The following TNNI3K variants were observed in gnomAD, a reference collection of about 807,000 sequenced individuals.
TNNI3K encodes serine/threonine-protein kinase TNNI3K.
A neutral mutation model predicts 114.5 loss-of-function variants in TNNI3K; 140 were observed. The observed-to-expected ratio is 1.22, with a 90% CI of 1.07 to 1.41. The LOEUF is 1.41. TNNI3K is among the 40% of genes most tolerant of loss of function. The pLI, the probability that TNNI3K is intolerant of heterozygous loss-of-function variation, is 0.00. For missense variants in TNNI3K, 1,125 were observed against 1,007.6 expected (o/e 1.12, Z -1.58); for synonymous variants, 347 against 347.5 (o/e 1.00, Z 0.02).
At chr1:74,519,620 A>G (rs1013516981) in intron 23 of TNNI3K, among the ~76,000 whole-genome samples, 1 of 152,214 alleles carries the variant, frequency 6.6e-6, no homozygotes, top group Non-Finnish European at 1.5e-5. Flanking sequence ...TAAAATCATA[A>G]GAAAGCCAGA....
chr1:74,462,090 C>A (rs560255700), intron 20 of TNNI3K, among the ~76,000 whole-genome samples: 105 of 152,282 alleles, frequency 6.9e-4, no homozygotes, highest in African/African-American at 2.4e-3. Flanking sequence ...ATGGTTTCTT[C>A]TAAATGATAA....
chr1:74,538,937 A>T (rs1203027282), intron 23 of TNNI3K, among the ~76,000 whole-genome samples: 1 of 152,188 alleles, frequency 6.6e-6, no homozygotes, highest in Non-Finnish European at 1.5e-5. Context: ...TAGGTAGAGC[A>T]TTTGTATTTT....
chr1:74,520,093 C>G (rs1202372972), intron 23 of TNNI3K, among the ~76,000 whole-genome samples: 1 of 152,108 alleles, frequency 6.6e-6, no homozygotes, highest in African/African-American at 2.4e-5. Context: ...GATTTTGGAG[C>G]ACCCATCACC....
At chr1:74,283,243 C>A (rs1214279302) in intron 5 of TNNI3K, among the ~76,000 whole-genome samples, 1 of 152,154 alleles carries the variant, frequency 6.6e-6, no homozygotes, top group Non-Finnish European at 1.5e-5. Flanking sequence ...ACTCTATACC[C>A]CATTACTGAG....
chr1:74,504,558 A>G (rs1231962606), intron 23 of TNNI3K, among the ~76,000 whole-genome samples: 1 of 152,224 alleles, frequency 6.6e-6, no homozygotes, highest in African/African-American at 2.4e-5. Context: ...TATTCTGTTC[A>G]AAAGAGGAGG....
chr1:74,295,713 C>G (rs2100302108), intron 5 of TNNI3K, among the ~76,000 whole-genome samples: 1 of 152,060 alleles, frequency 6.6e-6, no homozygotes, highest in East Asian at 1.9e-4. Context: ...TTCTTTTGAT[C>G]CTTTTATGTT....
intron 6 of TNNI3K, among the ~76,000 whole-genome samples, chr1:74,332,972 A>AG (rs1252354145): frequency 3.6e-4 from 25 of 69,860 alleles, no homozygotes; most frequent in African/African-American, 9.7e-4. Flanking sequence ...AAAAAAAAAA[A>AG]AAAAAGAGAG....
At chr1:74,315,126 A>G (rs1363971485) in intron 5 of TNNI3K, among the ~76,000 whole-genome samples, 1 of 152,166 alleles carries the variant, frequency 6.6e-6, no homozygotes, top group African/African-American at 2.4e-5. Flanking sequence ...CAAGTTATTC[A>G]TGGACAGAAA....
intron 10 of TNNI3K, among the ~76,000 whole-genome samples, chr1:74,353,644 CAAA>C (rs35082255): frequency 4.5e-4 from 60 of 134,144 alleles, no homozygotes; most frequent in East Asian, 1.7e-3. Context: ...ATTTGGTGAT[CAAA>C]AAAAAAAAAA....
At position 74,467,218 on chromosome 1, in the gene TNNI3K, G is replaced by A. The variant is rs572071065; in HGVS notation, c.2121+3668G>A. On this transcript the variant is annotated intron_variant, in intron 21 of 24. Coordinates refer to ENST00000326637, the MANE Select transcript of TNNI3K (RefSeq NM_015978.3). ...GACTAGTAGCAGTTGCAACATTGTA[G>A]CCATGGAGAGGTTAAATCTCTGTAT... Among the ~76,000 whole-genome samples the A allele has an allele frequency of 2.6e-5, 4 of 152,262 alleles. No homozygotes were observed. In the South Asian group the frequency reaches 8.3e-4, roughly 32 times the overall value.
chr1:74,355,466 T>A (rs1433518620), intron 11 of TNNI3K, among the ~76,000 whole-genome samples: 1 of 152,060 alleles, frequency 6.6e-6, no homozygotes, highest in Non-Finnish European at 1.5e-5. Context: ...TAGCTGGGTG[T>A]GGTGGCAGAT....
At chr1:74,277,917 G>T (rs1656780734) in intron 5 of TNNI3K, among the ~76,000 whole-genome samples, 1 of 152,152 alleles carries the variant, frequency 6.6e-6, no homozygotes, top group African/African-American at 2.4e-5. Flanking sequence ...CTTCAGAAAT[G>T]CTTCCCAGTT....
chr1:74,462,143 A>C (rs1204427271), intron 20 of TNNI3K, among the ~76,000 whole-genome samples: 1 of 152,224 alleles, frequency 6.6e-6, no homozygotes, highest in African/African-American at 2.4e-5. Flanking sequence ...AACTTCTACA[A>C]GGAAGAAGTA....
At chr1:74,303,179 A>G (rs1658427576) in intron 5 of TNNI3K, among the ~76,000 whole-genome samples, 2 of 152,238 alleles carry the variant, frequency 1.3e-5, no homozygotes, top group South Asian at 2.1e-4. Flanking sequence ...ACAGCATGGT[A>G]TACTGAATTA....
chr1:74,470,530 C>G, intron 21 of TNNI3K: 1 of 400,618 alleles, frequency 2.5e-6, no homozygotes, highest in Non-Finnish European at 4.4e-6. Context: ...AAGTTCTATT[C>G]TATTTTGGTA....
chr1:74,320,911 A>C (rs80211010), intron 5 of TNNI3K, among the ~76,000 whole-genome samples: 2 of 152,176 alleles, frequency 1.3e-5, no homozygotes, highest in African/African-American at 4.8e-5. Context: ...CATGAAAAAA[A>C]CTGTTGTCAG....
At chr1:74,274,544 T>C (rs1015485511) in intron 5 of TNNI3K, among the ~76,000 whole-genome samples, 1 of 151,964 alleles carries the variant, frequency 6.6e-6, no homozygotes. Context: ...AAGACATAGA[T>C]TTTTCCCCTA....
At chr1:74,492,406 CT>C in intron 23 of TNNI3K, 140 bp downstream of exon 23, 2 of 1,163,152 alleles carry the variant, frequency 1.7e-6, no homozygotes, top group Non-Finnish European at 2.2e-6. Context: ...GCCCATTTTT[CT>C]TACGTTATGA....
intron 17 of TNNI3K, among the ~76,000 whole-genome samples, chr1:74,402,808 A>G (rs1478405294): frequency 1.3e-5 from 2 of 152,218 alleles, no homozygotes; most frequent in Admixed American, 6.5e-5. Flanking sequence ...GTGGCCCAGG[A>G]CAGCTTTGCT....
Sources: gnomAD v4.1 joint callset for allele counts (sites outside exome capture counted in the v4.1 genomes callset) on GRCh38, gnomAD v4.1.1 for gene constraint, MANE v1.5 for transcripts, NCBI Gene and HGNC (gene_info 2026-07-23, HGNC 2026-07-21) for gene names.